MSI2: variants seen among roughly 807,000 people sequenced by gnomAD.
MSI2 encodes RNA-binding protein Musashi homolog 2.
In MSI2, 17 loss-of-function variants were observed where a neutral mutation model predicts 45.6. The ratio of observed to expected loss-of-function variants is 0.37; its 90% CI spans 0.26 to 0.56. The LOEUF is 0.56. MSI2 is among the 20% of genes least tolerant of loss of function. MSI2 has a pLI of 0.77. For missense variants in MSI2, 293 were observed against 444.2 expected (o/e 0.66, Z 3.06); for synonymous variants, 156 against 158.2 (o/e 0.99, Z 0.11).
chr17:57,285,050 A>G (rs1189615497), intron 5 of MSI2, among the ~76,000 whole-genome samples: 1 of 152,034 alleles, frequency 6.6e-6, no homozygotes, highest in Non-Finnish European at 1.5e-5. Flanking sequence ...TTTTCTGTGC[A>G]TAGATTGGCG....
chr17:57,380,184 A>T (rs1399291641), intron 5 of MSI2, among the ~76,000 whole-genome samples: 2 of 152,174 alleles, frequency 1.3e-5, no homozygotes, highest in East Asian at 3.9e-4. Context: ...GCTGAAACGC[A>T]CCCATGTCTT....
chr17:57,350,371 T>C (rs561401167), intron 5 of MSI2, among the ~76,000 whole-genome samples: 36 of 152,288 alleles, frequency 2.4e-4, no homozygotes, highest in Middle Eastern at 6.8e-3. Flanking sequence ...TGTTTATTTG[T>C]CCTGCATGAA....
intron 6 of MSI2, among the ~76,000 whole-genome samples, chr17:57,434,065 C>A (rs2084648346): frequency 6.6e-6 from 1 of 152,160 alleles, no homozygotes; most frequent in African/African-American, 2.4e-5. Context: ...CATCACTTCA[C>A]ATACTTATCA....
At chr17:57,448,287 C>T (rs1206443202) in intron 6 of MSI2, 1 of 152,222 alleles carries the variant, frequency 6.6e-6, no homozygotes, top group Non-Finnish European at 1.5e-5. Context: ...TCCATTAACA[C>T]TTCTGTGATA....
At chr17:57,567,316 C>CT (rs1020143972) in intron 7 of MSI2, among the ~76,000 whole-genome samples, 2 of 152,170 alleles carry the variant, frequency 1.3e-5, no homozygotes, top group African/African-American at 4.8e-5. Context: ...ATTTCTGTAG[C>CT]TTTTTGTATT....
chr17:57,379,224 C>T (rs111477239), intron 5 of MSI2, among the ~76,000 whole-genome samples: 2,560 of 151,472 alleles, frequency 0.017, 68 homozygotes, highest in African/African-American at 0.059. Context: ...GCCAGGTTTC[C>T]GTGTTTTGAG....
At chr17:57,563,746 G>GCGCACACACAGGCGCGCGCA (rs534460755) in intron 7 of MSI2, among the ~76,000 whole-genome samples, 2 of 139,294 alleles carry the variant, frequency 1.4e-5, no homozygotes, top group Admixed American at 1.4e-4. Flanking sequence ...ACACAGGCGC[G>GCGCACACACAGGCGCGCGCA]CACACACACA....
chr17:57,519,315 G>A (rs1310126640), intron 6 of MSI2, among the ~76,000 whole-genome samples: 3 of 152,200 alleles, frequency 2.0e-5, no homozygotes, highest in Admixed American at 6.5e-5. Context: ...AATTGAGCCA[G>A]TGTCTGTTAT....
chr17:57,321,092 G>A (rs1277444580), intron 5 of MSI2, among the ~76,000 whole-genome samples: 2 of 151,582 alleles, frequency 1.3e-5, no homozygotes, highest in Admixed American at 1.3e-4. Flanking sequence ...ATTGGCGGTG[G>A]GGGGGATGGA....
chr17:57,621,029 C>T lies in MSI2; in HGVS notation c.652+4945C>T, dbSNP rs146325388. Reference sequence around the variant, plus strand: ...CCTCTGGGTCTATGGACTCTCTAAGCGAGGAGACTGCCATTTGCTGTGCTA... The same window carrying T: ...CCTCTGGGTCTATGGACTCTCTAAGTGAGGAGACTGCCATTTGCTGTGCTA... On this transcript the variant is annotated intron_variant, in intron 9 of 13. Transcript: ENST00000284073. Among the ~76,000 whole-genome samples, 457 of 152,324 alleles carry T rather than the reference C, an allele frequency of 3.0e-3. 4 individuals carry two copies. Among genetic ancestry groups the T allele is most frequent in the African/African-American group, 8.1e-3 (337 of 41,570 alleles).
At chr17:57,267,658 T>G (rs1907933283) in intron 5 of MSI2, 1 of 151,752 alleles carries the variant, frequency 6.6e-6, no homozygotes, top group Admixed American at 6.6e-5. Context: ...TCTCTTCCCG[T>G]TTGATCTAGT....
At chr17:57,548,732 A>G (rs944928121) in intron 7 of MSI2, among the ~76,000 whole-genome samples, 1 of 152,066 alleles carries the variant, frequency 6.6e-6, no homozygotes, top group African/African-American at 2.4e-5. Flanking sequence ...CTCAAACTCC[A>G]CTTCATGAAG....
At chr17:57,691,995 G>A in the MSI2 span, among the ~76,000 whole-genome samples, 1 of 152,188 alleles carries the variant, frequency 6.6e-6, no homozygotes, top group Non-Finnish European at 1.5e-5. Flanking sequence ...ATTGAGTTAA[G>A]GAGTTCCATC....
chr17:57,643,988 G>A (rs558078999), intron 10 of MSI2, among the ~76,000 whole-genome samples: 56 of 152,166 alleles, frequency 3.7e-4, no homozygotes, highest in African/African-American at 1.1e-3. Flanking sequence ...CAGGTTCCAC[G>A]TGCCTGTCAT....
chr17:57,592,607 T>G (rs1292527571), intron 7 of MSI2, among the ~76,000 whole-genome samples: 1 of 152,252 alleles, frequency 6.6e-6, no homozygotes, highest in East Asian at 1.9e-4. Flanking sequence ...TGAATTGTTA[T>G]GCATCCAGGG....
At chr17:57,500,605 T>G (rs2086083347) in intron 6 of MSI2, among the ~76,000 whole-genome samples, 1 of 151,560 alleles carries the variant, frequency 6.6e-6, no homozygotes, top group African/African-American at 2.4e-5. Context: ...TGACCAGGCT[T>G]TACCCAGAGC....
chr17:57,425,109 A>G (rs1401712558), intron 6 of MSI2, among the ~76,000 whole-genome samples: 1 of 151,668 alleles, frequency 6.6e-6, no homozygotes, highest in Non-Finnish European at 1.5e-5. Flanking sequence ...GGAGTGCACT[A>G]CTCTCACATT....
chr17:57,545,535 G>A (rs1405697801), intron 7 of MSI2, among the ~76,000 whole-genome samples: 2 of 149,432 alleles, frequency 1.3e-5, no homozygotes, highest in Non-Finnish European at 1.5e-5. Flanking sequence ...AAACTTCTGT[G>A]TGTGTGTTTT....
chr17:57,438,247 C>T (rs1169152745), intron 6 of MSI2, among the ~76,000 whole-genome samples: 1 of 152,154 alleles, frequency 6.6e-6, no homozygotes, highest in African/African-American at 2.4e-5. Context: ...AAGCTTTCCT[C>T]TCCCTGACTG....
Sources: gnomAD v4.1 joint callset for allele counts (sites outside exome capture counted in the v4.1 genomes callset) on GRCh38, gnomAD v4.1.1 for gene constraint, MANE v1.5 for transcripts, NCBI Gene and HGNC (gene_info 2026-07-23, HGNC 2026-07-21) for gene names.